The following CDK5RAP2 variants were observed in gnomAD, a reference collection of about 807,000 sequenced individuals.
CDK5RAP2 encodes the protein CDK5 regulatory subunit-associated protein 2.
In CDK5RAP2, 147 loss-of-function variants were observed where a neutral mutation model predicts 232.9. That is an observed-to-expected ratio of 0.63 (90% CI 0.55 to 0.72). The LOEUF (loss-of-function observed/expected upper bound fraction) is 0.72, where lower values mean the gene tolerates loss of function less well. Ranked by LOEUF, CDK5RAP2 falls within the 30% of genes least tolerant of loss-of-function variation. The pLI, the probability that CDK5RAP2 is intolerant of heterozygous loss-of-function variation, is 0.00. For synonymous variants in CDK5RAP2, 833 were observed against 833.7 expected, an observed-to-expected ratio of 1.00 and a Z score of 0.01; for missense variants, 2,195 against 2,231.5, an observed-to-expected ratio of 0.98 and a Z score of 0.33.
intron 27 of CDK5RAP2, among the ~76,000 whole-genome samples, chr9:120,418,741 T>C (rs1214593657): frequency 2.0e-5 from 3 of 152,168 alleles, no homozygotes; most frequent in African/African-American, 7.2e-5. Flanking sequence ...CCCCAGCTGA[T>C]ACCTCAGTTA....
At chr9:120,397,210 C>A (rs1329975028) in intron 35 of CDK5RAP2, among the ~76,000 whole-genome samples, 1 of 152,142 alleles carries the variant, frequency 6.6e-6, no homozygotes, top group Non-Finnish European at 1.5e-5. Context: ...AAATCTCAAA[C>A]ATTTACGAAA....
At chr9:120,444,420 T>C (rs185075445) in intron 22 of CDK5RAP2, among the ~76,000 whole-genome samples, 82 of 152,300 alleles carry the variant, frequency 5.4e-4, no homozygotes, top group African/African-American at 1.9e-3. Context: ...CCACACCAGA[T>C]GGGGAGTTCT....
At chr9:120,445,712 C>T (rs1389339479) in intron 22 of CDK5RAP2, among the ~76,000 whole-genome samples, 3 of 152,158 alleles carry the variant, frequency 2.0e-5, no homozygotes, top group Non-Finnish European at 2.9e-5. Flanking sequence ...TTGGTCCAAC[C>T]TTTAACCACT....
chr9:120,411,392 C>G lies in CDK5RAP2; in HGVS notation c.4380G>C (p.Gln1460His). 1.2e-6 allele frequency: 2 copies of G among 1,612,218 alleles called. No individual in the cohort carries two copies. The highest frequency in any genetic ancestry group is 1.7e-6 in the Non-Finnish European group (2 of 1,178,252). The change falls in exon 29 of 38, where the codon CAG becomes CAC. Residue 1460 changes from glutamine (Q) to histidine (H), a missense_variant. Physicochemically the swap from Gln to His is conservative, Grantham distance 24. Coordinates refer to ENST00000349780, the MANE Select transcript of CDK5RAP2 (RefSeq NM_018249.6). ...SEIHFLRKQN[Q>H]ALNAMLIKGS... ...CTTTAATGAGCATTGCATTGAGGGC[C>G]TGGTTCTGCTTCCTCAAGAAATGAA...
intron 12 of CDK5RAP2, among the ~76,000 whole-genome samples, chr9:120,511,080 C>T (rs1348727307): frequency 1.3e-5 from 2 of 152,170 alleles, no homozygotes; most frequent in Non-Finnish European, 2.9e-5. Flanking sequence ...TCTCAGTGTT[C>T]GTGCACAATG....
chr9:120,434,781 A>G (rs2035479878), intron 25 of CDK5RAP2, among the ~76,000 whole-genome samples: 1 of 152,238 alleles, frequency 6.6e-6, no homozygotes, highest in Non-Finnish European at 1.5e-5. Flanking sequence ...AGTCTGAGCA[A>G]GATGAAGACT....
intron 27 of CDK5RAP2, among the ~76,000 whole-genome samples, chr9:120,417,007 T>C (rs2034259607): frequency 6.6e-6 from 1 of 152,264 alleles, no homozygotes; most frequent in Admixed American, 6.5e-5. Flanking sequence ...TGGTGGAATG[T>C]CGTAGCTCTC....
At chr9:120,454,054 C>T (rs979564374) in intron 20 of CDK5RAP2, among the ~76,000 whole-genome samples, 181 bp from the exon 21 acceptor site, 7 of 152,212 alleles carry the variant, frequency 4.6e-5, no homozygotes, top group Admixed American at 2.0e-4. Flanking sequence ...AACCTCACGG[C>T]ACCCAAACAA....
At chr9:120,414,703 G>C (rs2034101756) in intron 28 of CDK5RAP2, among the ~76,000 whole-genome samples, 1 of 152,202 alleles carries the variant, frequency 6.6e-6, no homozygotes. Flanking sequence ...TCTATTCGGA[G>C]CTAACTGTGT....
chr9:120,485,083 A>G (rs2038524788), intron 14 of CDK5RAP2, among the ~76,000 whole-genome samples: 1 of 152,148 alleles, frequency 6.6e-6, no homozygotes, highest in Admixed American at 6.5e-5. Context: ...AGCCTTTGCT[A>G]AAATACTTAG....
intron 12 of CDK5RAP2, among the ~76,000 whole-genome samples, chr9:120,506,785 A>G (rs534871924): frequency 3.3e-5 from 5 of 152,340 alleles, no homozygotes; most frequent in African/African-American, 1.2e-4. Flanking sequence ...ATACGGAATT[A>G]CTTCTTATGA....
intron 27 of CDK5RAP2, among the ~76,000 whole-genome samples, chr9:120,419,039 A>AGAT (rs2034406139): frequency 6.6e-6 from 1 of 152,152 alleles, no homozygotes; most frequent in Non-Finnish European, 1.5e-5. Flanking sequence ...GGGCTTTGGG[A>AGAT]GATGATAGGA....
At chr9:120,394,470 A>G in intron 36 of CDK5RAP2, 42 bp downstream of exon 36, 1 of 1,613,644 alleles carries the variant, frequency 6.2e-7, no homozygotes, top group Admixed American at 1.7e-5. Flanking sequence ...CCTCGGAGGC[A>G]GGAAGTGGTC....
intron 25 of CDK5RAP2, among the ~76,000 whole-genome samples, chr9:120,423,314 C>A (rs758569762): frequency 6.6e-6 from 1 of 152,172 alleles, no homozygotes; most frequent in African/African-American, 2.4e-5. Flanking sequence ...ACACTTAGGT[C>A]ATTTGCAAAT....
chr9:120,406,836 C>A, intron 32 of CDK5RAP2, 176 bp downstream of exon 32: 1 of 607,464 alleles, frequency 1.6e-6, no homozygotes, highest in Non-Finnish European at 2.9e-6. Context: ...CGCCACTTTG[C>A]CCAAGGTGAC....
intron 18 of CDK5RAP2, among the ~76,000 whole-genome samples, chr9:120,462,437 A>T (rs1276360487): frequency 6.6e-6 from 1 of 152,050 alleles, no homozygotes; most frequent in African/African-American, 2.4e-5. Flanking sequence ...GTACTCATCA[A>T]ATTAAAAAAA....
intron 25 of CDK5RAP2, among the ~76,000 whole-genome samples, chr9:120,424,321 T>C (rs1564198001): frequency 1.3e-5 from 2 of 152,356 alleles, no homozygotes; most frequent in South Asian, 2.1e-4. Flanking sequence ...TTTTGGCTTC[T>C]TGAAAGGTAG....
chr9:120,414,900 A>G, intron 28 of CDK5RAP2, 140 bp downstream of exon 28: 1 of 929,302 alleles, frequency 1.1e-6, no homozygotes, highest in Admixed American at 2.1e-5. Context: ...TCAGGATGCC[A>G]GAGGCTGGCA....
intron 8 of CDK5RAP2, among the ~76,000 whole-genome samples, chr9:120,529,211 G>C (rs1211839390): frequency 1.3e-5 from 2 of 152,234 alleles, no homozygotes; most frequent in Non-Finnish European, 2.9e-5. Flanking sequence ...AAGAAACCAA[G>C]ACTTTCTGTG....
Sources: gnomAD v4.1 joint callset for allele counts (sites outside exome capture counted in the v4.1 genomes callset) on GRCh38, gnomAD v4.1.1 for gene constraint, MANE v1.5 for transcripts, NCBI Gene and HGNC (gene_info 2026-07-23, HGNC 2026-07-21) for gene names.